Variants in NHSL1 observed in about 807,000 individuals in gnomAD.
NHSL1 encodes NHS like 1, also known as NHS-like protein 1.
NHSL1 carries 48 observed loss-of-function variants against 95.0 expected under a neutral mutation model. That is an observed-to-expected ratio of 0.51 (90% CI 0.40 to 0.64). The LOEUF (loss-of-function observed/expected upper bound fraction) is 0.64, where lower values mean the gene tolerates loss of function less well. NHSL1 is among the 30% of genes least tolerant of loss of function. NHSL1 has a pLI of 0.00. For missense variants in NHSL1, 1,971 were observed against 2,077.7 expected, an observed-to-expected ratio of 0.95 and a Z score of 1.00; for synonymous variants, 783 against 833.9, an observed-to-expected ratio of 0.94 and a Z score of 1.05.
chr6:138,655,575 A>T (rs1785146424), intron 1 of NHSL1, among the ~76,000 whole-genome samples: 1 of 152,214 alleles, frequency 6.6e-6, no homozygotes, highest in South Asian at 2.1e-4. Context: ...CACTAAGATG[A>T]GTCAGAGAAA....
chr6:138,579,579 C>T (rs1056045764), intron 1 of NHSL1, among the ~76,000 whole-genome samples: 1 of 152,210 alleles, frequency 6.6e-6, no homozygotes, highest in African/African-American at 2.4e-5. Flanking sequence ...CTTCCATCCA[C>T]GAGAACTTCA....
At chr6:138,516,405 C>T (rs755294289) in intron 1 of NHSL1, among the ~76,000 whole-genome samples, 2 of 152,080 alleles carry the variant, frequency 1.3e-5, no homozygotes, top group African/African-American at 2.4e-5. Context: ...TTTAAATCCC[C>T]GTCTGCTTAC....
chr6:138,650,815 G>A, intron 1 of NHSL1: 1 of 541,790 alleles, frequency 1.8e-6, no homozygotes, highest in Non-Finnish European at 3.8e-6. Flanking sequence ...TCATCTACAG[G>A]GAAAGCCTTC....
chr6:138,628,012 A>G (rs1784765649), intron 1 of NHSL1, among the ~76,000 whole-genome samples: 1 of 152,034 alleles, frequency 6.6e-6, no homozygotes, highest in Admixed American at 6.5e-5. Flanking sequence ...ATACACACAT[A>G]TACGTAAAAC....
Position 138,680,918 on chromosome 6 carries a change from C to T in NHSL1, c.96+11558G>A, listed in dbSNP as rs148366558. 3.5e-4 allele frequency among the ~76,000 whole-genome samples: 53 copies of T among 152,294 alleles called. 1 individual carries two copies. Among genetic ancestry groups the T allele is most frequent in the African/African-American group, 1.2e-3 (49 of 41,570 alleles). ...AGGCATGAGCCACCGTGCCCAGCCCCCTTTACCTTTCTTAATATAGGAAAG... is the reference window on the plus strand; with the variant it reads ...AGGCATGAGCCACCGTGCCCAGCCCTCTTTACCTTTCTTAATATAGGAAAG... On this transcript the variant is annotated intron_variant, in intron 1 of 3. Coordinates refer to the NHSL1 transcript ENST00000491526.
At chr6:138,643,326 T>G (rs186475560) in intron 1 of NHSL1, among the ~76,000 whole-genome samples, 3 of 152,272 alleles carry the variant, frequency 2.0e-5, no homozygotes, top group Admixed American at 2.0e-4. Context: ...GCCTCCTCCT[T>G]TATCCACATC....
At chr6:138,596,234 G>A (rs1484964730) in intron 1 of NHSL1, among the ~76,000 whole-genome samples, 1 of 152,116 alleles carries the variant, frequency 6.6e-6, no homozygotes, top group Non-Finnish European at 1.5e-5. Flanking sequence ...CATCAGGACT[G>A]AACAACGAAG....
chr6:138,452,624 G>A (rs1406584710), intron 3 of NHSL1, among the ~76,000 whole-genome samples: 1 of 152,144 alleles, frequency 6.6e-6, no homozygotes, highest in Non-Finnish European at 1.5e-5. Flanking sequence ...ATACATTCCA[G>A]TCCTTTTTGG....
intron 2 of NHSL1, among the ~76,000 whole-genome samples, chr6:138,495,899 T>C (rs1327986506): frequency 6.6e-6 from 1 of 152,142 alleles, no homozygotes; most frequent in East Asian, 1.9e-4. Context: ...TGTCCCCTTA[T>C]AAAACCATCA....
chr6:138,692,119 C>T lies in NHSL1; in HGVS notation c.96+357G>A, dbSNP rs1420756338. The T allele has an allele frequency of 2.2e-6, 1 of 452,642 alleles. No homozygotes were observed. Among genetic ancestry groups the T allele is most frequent in the Non-Finnish European group, 4.4e-6 (1 of 226,750 alleles). 28.0% of individuals were successfully genotyped at this position (452,642 alleles called of 1,614,324 possible). On this transcript the variant is annotated intron_variant, in intron 1 of 3. Transcript: ENST00000491526. This position sits in a 1 kb window ranked among gnomAD's most constrained non-coding sequence, Gnocchi z 4.0. Reference sequence around the variant, plus strand: ...CTGGCTTTTCCAACAGGCTACCTGCCTGTGACAGTTTTCCCACGAACTTGG... The same window carrying T: ...CTGGCTTTTCCAACAGGCTACCTGCTTGTGACAGTTTTCCCACGAACTTGG...
At chr6:138,599,303 A>C (rs1467698952) in intron 1 of NHSL1, among the ~76,000 whole-genome samples, 2 of 151,800 alleles carry the variant, frequency 1.3e-5, no homozygotes, top group Non-Finnish European at 2.9e-5. Context: ...CCTGAGGTCA[A>C]GAGTTCGAGA....
At chr6:138,665,880 A>G (rs1253282058) in intron 1 of NHSL1, among the ~76,000 whole-genome samples, 1 of 152,194 alleles carries the variant, frequency 6.6e-6, no homozygotes, top group Non-Finnish European at 1.5e-5. Flanking sequence ...GTTTCTCCCC[A>G]GTTTAAGCCC....
intron 1 of NHSL1, among the ~76,000 whole-genome samples, chr6:138,680,122 C>T (rs1209394511): frequency 1.3e-5 from 2 of 152,120 alleles, no homozygotes; most frequent in African/African-American, 4.8e-5. Flanking sequence ...TTTATTTACA[C>T]AAAACTTACA....
chr6:138,437,287 T>A (rs1223042012), intron 5 of NHSL1, among the ~76,000 whole-genome samples: 1 of 129,176 alleles, frequency 7.7e-6, no homozygotes, highest in Non-Finnish European at 1.6e-5. Context: ...AAAAAAAAAA[T>A]ACACAAATGT....
At chr6:138,503,118 T>C (rs1475839282), upstream of NHSL1, among the ~76,000 whole-genome samples, 1 of 152,210 alleles carries the variant, frequency 6.6e-6, no homozygotes, top group African/African-American at 2.4e-5. Flanking sequence ...TTCTCAGTGG[T>C]CATCGGTGAA....
At chr6:138,583,342 C>T (rs888114635) in intron 1 of NHSL1, among the ~76,000 whole-genome samples, 17 of 152,154 alleles carry the variant, frequency 1.1e-4, no homozygotes, top group Non-Finnish European at 1.2e-4. Flanking sequence ...TAACTCCACT[C>T]GCCCAAGGAA....
chr6:138,430,793 T>C lies in NHSL1; in HGVS notation c.3552A>G (p.Pro1184=). 6.4e-7 allele frequency: 1 copy of C among 1,551,364 alleles called. No homozygotes were observed. The highest frequency in any genetic ancestry group is 8.7e-7 in the Non-Finnish European group (1 of 1,146,968). The part of the protein sequence containing the change: ...ARPSPSTTPL[P]DSSPSRKPPP... ...GTGGCTTCCTGCTGGGTGAAGAGTC[T>C]GGGAGTGGGGTGGTGCTGGGGCTGG... Residue 1184 remains proline (P), a synonymous_variant, in exon 6 of 8, where the codon CCA becomes CCG. Transcript: ENST00000343505. This position sits in a 1 kb window ranked among gnomAD's most constrained non-coding sequence, Gnocchi z 4.7.
In NHSL1 at chr6:138,433,011, T is replaced by A; in HGVS notation, c.1334A>T (p.His445Leu). The A allele has an allele frequency of 6.4e-7, 1 of 1,551,618 alleles. No individual in the cohort carries two copies. The change falls in exon 6 of 8, where the codon CAT (histidine) becomes CTT (leucine). Residue 445 changes from histidine to leucine, a missense_variant. By Grantham distance (99) the His-to-Leu change is moderately conservative. Transcript: ENST00000343505. Reference protein sequence around the residue: ...QRESKSSGSSHARIKSRDHLI... With the variant: ...QRESKSSGSSLARIKSRDHLI... Reference sequence around the variant, plus strand: ...GTGGTCTCTGGATTTTATCCTTGCATGTGATGAGCCAGAACTTTTACTTTC... The same window carrying A: ...GTGGTCTCTGGATTTTATCCTTGCAAGTGATGAGCCAGAACTTTTACTTTC...
In NHSL1 at chr6:138,466,043, G is replaced by A. The variant is rs1040876498; in HGVS notation, c.339+7263C>T. On this transcript the variant is annotated intron_variant, in intron 3 of 7. Coordinates refer to ENST00000343505, the MANE Select transcript of NHSL1 (RefSeq NM_001144060.2). ...CTGGCCCCACATACACTCCTTTTTG[G>A]GGGGGGGGCAGGGGGGAACAGAGTC... is the stretch of plus-strand genomic sequence containing the variant. 6.1e-5 allele frequency among the ~76,000 whole-genome samples: 8 copies of A among 131,912 alleles called. No homozygotes were observed. In the East Asian group the frequency reaches 7.1e-4, roughly 12 times the overall value. The allele number at this position is 131,912 out of a possible 152,430, so 86.5% of individuals were successfully genotyped here.
Sources: gnomAD v4.1 joint callset for allele counts (sites outside exome capture counted in the v4.1 genomes callset) on GRCh38, gnomAD v4.1.1 for gene constraint, Gnocchi (gnomAD v3.1) non-coding constraint, MANE v1.5 for transcripts, NCBI Gene and HGNC (gene_info 2026-07-23, HGNC 2026-07-21) for gene names.